Variants in ADARB2 observed in about 807,000 individuals in gnomAD.
The protein encoded by ADARB2 is inactive double-stranded RNA-specific editase B2.
A neutral mutation model predicts 62.2 loss-of-function variants in ADARB2; 25 were observed. That is an observed-to-expected ratio of 0.40 (90% CI 0.29 to 0.56). The LOEUF is 0.56. Among genes scored for constraint, ADARB2 ranks in the 20% least tolerant of loss-of-function variants. The pLI is 0.43. For synonymous variants in ADARB2, 572 were observed against 500.8 expected, an observed-to-expected ratio of 1.14 and a Z score of -1.90; for missense variants, 1,071 against 1,077.4, an observed-to-expected ratio of 0.99 and a Z score of 0.08.
At chr10:1,289,744 G>C (rs1831447393) in intron 3 of ADARB2, among the ~76,000 whole-genome samples, 2 of 151,968 alleles carry the variant, frequency 1.3e-5, no homozygotes, top group African/African-American at 2.4e-5. Context: ...ACAGCCCACA[G>C]GATCCAGCCC....
chr10:1,352,721 C>T lies in ADARB2; in HGVS notation c.1077+10307G>A, dbSNP rs560040730. ...CCTGACGCATATACTTTCTGCTCCC[C>T]GGCTTCTTCAGCTATACTTACTCTT... On this transcript the variant is annotated intron_variant, in intron 3 of 9. Coordinates refer to ENST00000381312, the MANE Select transcript of ADARB2 (RefSeq NM_018702.4). Among the ~76,000 whole-genome samples the T allele has an allele frequency of 3.3e-5, 5 of 152,278 alleles. No homozygotes were observed. The East Asian group carries it at 7.7e-4, about 23-fold the overall frequency.
intron 1 of ADARB2, among the ~76,000 whole-genome samples, chr10:1,658,130 GTCTC>G (rs372861271): frequency 7.6e-4 from 112 of 148,034 alleles, no homozygotes; most frequent in African/African-American, 2.5e-3. Flanking sequence ...GTCTGATGCT[GTCTC>G]TCTCTCTCTC....
chr10:1,349,700 G>C (rs1396984404), intron 3 of ADARB2, among the ~76,000 whole-genome samples: 2 of 152,068 alleles, frequency 1.3e-5, no homozygotes, highest in African/African-American at 4.8e-5. Flanking sequence ...TTCTTGTAGA[G>C]ACAAAGGAGA....
At chr10:1,518,091 G>A (rs952332325) in intron 1 of ADARB2, among the ~76,000 whole-genome samples, 1 of 152,186 alleles carries the variant, frequency 6.6e-6, no homozygotes, top group African/African-American at 2.4e-5. Flanking sequence ...GGCGATATTT[G>A]TTACTTTGTA....
intron 4 of ADARB2, among the ~76,000 whole-genome samples, chr10:1,245,513 G>T (rs1000943890): frequency 3.8e-5 from 5 of 130,654 alleles, no homozygotes; most frequent in African/African-American, 1.5e-4. Context: ...ACAGGCCCCG[G>T]TGTGTGATGT....
intron 1 of ADARB2, among the ~76,000 whole-genome samples, chr10:1,658,639 C>T (rs1391335977): frequency 6.6e-6 from 1 of 152,238 alleles, no homozygotes; most frequent in East Asian, 1.9e-4. Flanking sequence ...CAGGACAAGC[C>T]TCTGTCACGA....
chr10:1,363,526 G>A lies in ADARB2; in HGVS notation c.579C>T (p.Pro193=). ...ELALRSFVQF[P]NACQAHLAMG... is the part of the protein sequence containing the mutation. ...TGGCCAGGTGCGCCTGGCAGGCGTT[G>A]GGGAACTGCACGAAGGACCTGAGTG... Residue 193 remains proline, a synonymous_variant, in exon 3 of 10, where the codon CCC becomes CCT. Coordinates refer to ENST00000381312, the MANE Select transcript of ADARB2 (RefSeq NM_018702.4). 6.5e-7 allele frequency: 1 copy of A among 1,545,846 alleles called. No homozygotes were observed. Among genetic ancestry groups the A allele is most frequent in the Non-Finnish European group, 8.7e-7 (1 of 1,149,642 alleles).
intron 1 of ADARB2, among the ~76,000 whole-genome samples, chr10:1,435,558 C>G (rs1198576749): frequency 6.6e-6 from 1 of 152,202 alleles, no homozygotes; most frequent in Non-Finnish European, 1.5e-5. Flanking sequence ...CTGAGCCTGC[C>G]TCTGCACCAT....
At chr10:1,641,580 G>A (rs1833978699) in intron 1 of ADARB2, among the ~76,000 whole-genome samples, 1 of 152,218 alleles carries the variant, frequency 6.6e-6, no homozygotes, top group Non-Finnish European at 1.5e-5. Flanking sequence ...GGGAGCACCT[G>A]TTTCACTGCG....
At chr10:1,721,838 T>C (rs1343209125) in intron 1 of ADARB2, among the ~76,000 whole-genome samples, 1 of 152,148 alleles carries the variant, frequency 6.6e-6, no homozygotes, top group Non-Finnish European at 1.5e-5. Flanking sequence ...CAGGACTGAC[T>C]GGAGAGGGGT....
chr10:1,327,795 G>A (rs66859765), intron 3 of ADARB2, among the ~76,000 whole-genome samples: 37 of 61,604 alleles, frequency 6.0e-4, no homozygotes, highest in South Asian at 1.7e-3. Flanking sequence ...ACAGCACAGC[G>A]CCTCCTCACA....
At chr10:1,585,337 A>G (rs900016981) in intron 1 of ADARB2, among the ~76,000 whole-genome samples, 1 of 152,168 alleles carries the variant, frequency 6.6e-6, no homozygotes, top group Non-Finnish European at 1.5e-5. Flanking sequence ...TGGGAACTGC[A>G]TCGGACAAAC....
chr10:1,560,478 G>C (rs1832771388), intron 1 of ADARB2, among the ~76,000 whole-genome samples: 1 of 34,234 alleles, frequency 2.9e-5, no homozygotes, highest in African/African-American at 6.4e-5. Context: ...GGGGCACCCT[G>C]GGTCGTCACA....
intron 1 of ADARB2, among the ~76,000 whole-genome samples, chr10:1,689,243 A>G (rs1009684629): frequency 3.3e-5 from 5 of 152,192 alleles, no homozygotes; most frequent in African/African-American, 9.7e-5. Flanking sequence ...TTTTTCTATC[A>G]GCTGAGGCAT....
At chr10:1,551,911 C>A (rs187817980) in intron 1 of ADARB2, among the ~76,000 whole-genome samples, 61 of 152,328 alleles carry the variant, frequency 4.0e-4, no homozygotes, top group African/African-American at 1.1e-3. Context: ...GACTGACTGG[C>A]CTTTATACTG....
chr10:1,442,143 A>T (rs892092337), intron 1 of ADARB2, among the ~76,000 whole-genome samples: 1 of 152,206 alleles, frequency 6.6e-6, no homozygotes. Context: ...TAAGATCTGG[A>T]TTATTCAAAA....
At chr10:1,415,838 G>A (rs998284315) in intron 1 of ADARB2, among the ~76,000 whole-genome samples, 3 of 152,120 alleles carry the variant, frequency 2.0e-5, no homozygotes, top group Non-Finnish European at 4.4e-5. Context: ...CCTCTTCCAT[G>A]CAGCCCTATT....
chr10:1,411,265 T>C (rs1290551537), intron 1 of ADARB2, among the ~76,000 whole-genome samples: 1 of 152,156 alleles, frequency 6.6e-6, no homozygotes, highest in Non-Finnish European at 1.5e-5. Context: ...GAGGCACAGG[T>C]GCGTCCGTGA....
At chr10:1,186,489 T>G (rs1190792426) in intron 8 of ADARB2, 1 of 518,942 alleles carries the variant, frequency 1.9e-6, no homozygotes, top group African/African-American at 1.9e-5. Flanking sequence ...CCGCGGCACC[T>G]GCATGGCCTC....
Sources: allele counts gnomAD v4.1 joint callset (sites outside exome capture counted in the v4.1 genomes callset), GRCh38; gene constraint gnomAD v4.1.1; transcripts MANE v1.5; gene names NCBI Gene and HGNC (gene_info 2026-07-23, HGNC 2026-07-21).